Variants in AR observed in about 807,000 individuals in gnomAD.
AR encodes the protein androgen receptor, also known as dihydrotestosterone receptor.
A neutral mutation model predicts 53.9 loss-of-function variants in AR; 8 were observed. The observed-to-expected ratio is 0.15, with a 90% CI of 0.09 to 0.27. The LOEUF (loss-of-function observed/expected upper bound fraction) is 0.27. Among genes scored for constraint, AR ranks in the 10% least tolerant of loss-of-function variants. AR has a pLI of 1.00. For synonymous variants in AR, 359 were observed against 316.4 expected, an observed-to-expected ratio of 1.13 and a Z score of -1.43; for missense variants, 639 against 742.5, an observed-to-expected ratio of 0.86 and a Z score of 1.62.
chrX:67,609,310 G>A (rs1166894972), intron 1 of AR, among the ~76,000 whole-genome samples: 3 of 111,431 alleles, frequency 2.7e-5, no homozygotes, highest in Non-Finnish European at 3.8e-5. Context: ...GGAACCTGCA[G>A]TGTATTGCCA....
chrX:67,577,813 G>T (rs1349005300), intron 1 of AR, among the ~76,000 whole-genome samples: 2 of 111,058 alleles, frequency 1.8e-5, no homozygotes, highest in African/African-American at 6.5e-5. Flanking sequence ...TTCCAAATTG[G>T]GTTATTTGTC....
intron 1 of AR, among the ~76,000 whole-genome samples, chrX:67,635,077 C>T (rs1301427781): frequency 9.6e-6 from 1 of 104,684 alleles, no homozygotes; most frequent in East Asian, 3.2e-4. Context: ...TTACCTTTCT[C>T]TAAAAGCTCT....
intron 1 of AR, among the ~76,000 whole-genome samples, chrX:67,557,467 CT>C (rs1921107320): frequency 8.9e-6 from 1 of 112,156 alleles, no homozygotes; most frequent in Admixed American, 9.4e-5. Flanking sequence ...TTTGAATTAT[CT>C]GATGAACATC....
In AR at chrX:67,726,332, T is replaced by A. The variant is rs2076157440; in HGVS notation, c.*2491T>A. ...TTAAACAGAAAAAAATATCCACCAC[T>A]CTTTTCAGTTACACTAGGTTACATT... On this transcript the variant is annotated 3_prime_UTR_variant, in exon 8 of 8. Coordinates refer to ENST00000374690, the MANE Select transcript of AR (RefSeq NM_000044.6). 5.8e-6 allele frequency: 1 copy of A among 173,422 alleles called. No homozygotes were observed. Among genetic ancestry groups the A allele is most frequent in the African/African-American group, 2.9e-5 (1 of 33,909 alleles). The allele number at this position is 173,422 out of a possible 1,213,427, so 14.3% of individuals were successfully genotyped here.
intron 1 of AR, among the ~76,000 whole-genome samples, chrX:67,642,333 T>C (rs1216054849): frequency 8.9e-6 from 1 of 111,808 alleles, no homozygotes; most frequent in Non-Finnish European, 1.9e-5. Flanking sequence ...CAAACTTGAA[T>C]TTTTTACTAT....
chrX:67,704,606 C>T (rs780675935), intron 3 of AR, among the ~76,000 whole-genome samples: 1 of 111,881 alleles, frequency 8.9e-6, no homozygotes, highest in East Asian at 2.8e-4. Context: ...TGCCTGTTCA[C>T]TCTGATGGTA....
At chrX:67,569,015 C>T (rs1921682435) in intron 1 of AR, 1 of 1,210,529 alleles carries the variant, frequency 8.3e-7, no homozygotes, top group South Asian at 1.8e-5. Flanking sequence ...GATACTCTGG[C>T]TTCACAGGTG....
At chrX:67,691,988 C>T (rs2075997769) in intron 3 of AR, among the ~76,000 whole-genome samples, 1 of 111,854 alleles carries the variant, frequency 8.9e-6, no homozygotes, top group Non-Finnish European at 1.9e-5. Context: ...TGCAGAATGA[C>T]CATTTAATAT....
intron 6 of AR, 77 bp from the exon 7 acceptor site, chrX:67,722,750 C>G (rs2076141184): frequency 8.7e-7 from 1 of 1,148,970 alleles, no homozygotes; most frequent in South Asian, 1.9e-5. Context: ...AGTCTGTGGT[C>G]AGAAAACTTG....
At chrX:67,628,648 C>A (rs1259977469) in intron 1 of AR, among the ~76,000 whole-genome samples, 1 of 110,085 alleles carries the variant, frequency 9.1e-6, no homozygotes, top group Non-Finnish European at 1.9e-5. Context: ...TGCCTAATTG[C>A]CCTGGCCAGA....
In AR at chrX:67,728,428, A is replaced by AAAG. The variant is rs1210613489; in HGVS notation, c.*4588_*4590dup. The AAAG allele has an allele frequency of 3.6e-4, 55 of 153,352 alleles. No individual in the cohort carries two copies. The highest frequency in any genetic ancestry group is 1.6e-3 in the African/African-American group (51 of 31,574). The allele number at this position is 153,352 out of a possible 1,213,427, so 12.6% of individuals were successfully genotyped here. On this transcript the variant is annotated 3_prime_UTR_variant, in exon 8 of 8. Coordinates refer to ENST00000374690, the MANE Select transcript of AR (RefSeq NM_000044.6). The stretch of plus-strand genomic sequence containing the variant: ...AACCCTTGCTGATAAGGGAGCATTT[A>AAAG]AAGTACTAGATTTTGCACTAGAGGG...
At chrX:67,546,961 C>T (rs1929791364) in intron 1 of AR, among the ~76,000 whole-genome samples, 199 bp downstream of exon 1, 2 of 110,143 alleles carry the variant, frequency 1.8e-5, no homozygotes, top group African/African-American at 6.6e-5. Flanking sequence ...TGCTGCGTGC[C>T]CTGGGTGCTG....
intron 5 of AR, among the ~76,000 whole-genome samples, chrX:67,719,367 C>T (rs191875109): frequency 8.9e-5 from 10 of 112,294 alleles, no homozygotes; most frequent in East Asian, 5.6e-4. Flanking sequence ...CCCCAGAGCC[C>T]TGAGACCTTT....
intron 2 of AR, among the ~76,000 whole-genome samples, chrX:67,666,342 C>T (rs1161649641): frequency 1.8e-5 from 2 of 111,808 alleles, no homozygotes; most frequent in Non-Finnish European, 3.8e-5. Flanking sequence ...GCTTATTTCA[C>T]ATAATATAAT....
chrX:67,684,234 A>T (rs1281606476), intron 2 of AR, among the ~76,000 whole-genome samples: 1 of 111,960 alleles, frequency 8.9e-6, no homozygotes, highest in African/African-American at 3.2e-5. Context: ...CCAAAGGCTG[A>T]ACAGCACTCG....
chrX:67,569,481 T>G (rs1022287809), intron 1 of AR, among the ~76,000 whole-genome samples: 3 of 111,546 alleles, frequency 2.7e-5, no homozygotes, highest in African/African-American at 9.8e-5. Context: ...TGAGCAGTTG[T>G]GACACACAGA....
chrX:67,660,308 T>C (rs1166596438), intron 2 of AR, among the ~76,000 whole-genome samples: 1 of 111,880 alleles, frequency 8.9e-6, no homozygotes, highest in Non-Finnish European at 1.9e-5. Context: ...TCCTGAATGG[T>C]ATTGCGTAGG....
intron 2 of AR, among the ~76,000 whole-genome samples, chrX:67,675,547 T>C (rs2075894631): frequency 9.0e-6 from 1 of 111,271 alleles, no homozygotes; most frequent in Non-Finnish European, 1.9e-5. Context: ...TGAGTTCTGC[T>C]CCATGTTGCT....
At chrX:67,715,049 T>C (rs1424153645) in intron 4 of AR, among the ~76,000 whole-genome samples, 3 of 111,523 alleles carry the variant, frequency 2.7e-5, no homozygotes, top group Non-Finnish European at 3.8e-5. Context: ...TAAGCATCAG[T>C]ATGGACAATT....
Sources: gnomAD v4.1 joint callset for allele counts (sites outside exome capture counted in the v4.1 genomes callset) on GRCh38, gnomAD v4.1.1 for gene constraint, MANE v1.5 for transcripts, NCBI Gene and HGNC (gene_info 2026-07-23, HGNC 2026-07-21) for gene names.